GRB2: variants seen among roughly 807,000 people sequenced by gnomAD.
GRB2 encodes the protein growth factor receptor bound protein 2.
Under a neutral mutation model 27.4 loss-of-function variants are expected in GRB2, and 2 were observed. The observed-to-expected ratio is 0.07, with a 90% confidence interval of 0.03 to 0.23. GRB2 has a LOEUF of 0.23. GRB2 is among the 10% of genes least tolerant of loss of function. The pLI is 1.00. For missense variants in GRB2, 102 were observed against 282.4 expected, an observed-to-expected ratio of 0.36 and a Z score of 4.58; for synonymous variants, 94 against 99.6, an observed-to-expected ratio of 0.94 and a Z score of 0.33.
At chr17:75,333,225 G>A (rs2078553319) in intron 2 of GRB2, among the ~76,000 whole-genome samples, 1 of 152,280 alleles carries the variant, frequency 6.6e-6, no homozygotes, top group African/African-American at 2.4e-5. Flanking sequence ...ACAGGCGCAT[G>A]CCACGTTGCC....
intron 1 of GRB2, among the ~76,000 whole-genome samples, chr17:75,395,216 G>T (rs1453535430): frequency 6.6e-6 from 1 of 151,964 alleles, no homozygotes; most frequent in African/African-American, 2.4e-5. Context: ...TTATCAAAAA[G>T]AAAATAAATC....
At chr17:75,381,295 G>T (rs2078925995) in intron 2 of GRB2, among the ~76,000 whole-genome samples, 1 of 151,910 alleles carries the variant, frequency 6.6e-6, no homozygotes, top group African/African-American at 2.4e-5. Flanking sequence ...TGGAATAGAG[G>T]GACTTATTGA....
At position 75,338,686 on chromosome 17, in the gene GRB2, TG is replaced by T. The variant is rs554990959; in HGVS notation, c.79-5890del. 181 of 371,720 alleles carry T rather than the reference TG, an allele frequency of 4.9e-4. 1 individual carries two copies. In the East Asian group the frequency reaches 5.4e-3, roughly 11 times the overall value. 23.0% of individuals were successfully genotyped at this position (371,720 alleles called of 1,614,324 possible). A position where few individuals can be genotyped will look rare whatever the true frequency, so the allele number is the denominator to read the frequency against. On this transcript the variant is annotated intron_variant, in intron 2 of 5. Coordinates refer to ENST00000316804, the MANE Select transcript of GRB2 (RefSeq NM_002086.5). ...AGTGAAGACAGTTCTTTTTGTTTTT[TG>T]GTTTTTTTTTGCAAAGAGACTGAAA... is the stretch of plus-strand genomic sequence containing the variant.
intron 4 of GRB2, among the ~76,000 whole-genome samples, chr17:75,324,352 G>A (rs12938183): frequency 6.9e-6 from 1 of 145,490 alleles, no homozygotes; most frequent in African/African-American, 2.6e-5. Flanking sequence ...CCACCACGCC[G>A]AGGCCATTTT....
At chr17:75,350,303 C>T (rs561625572) in intron 2 of GRB2, among the ~76,000 whole-genome samples, 1 of 150,424 alleles carries the variant, frequency 6.6e-6, no homozygotes, top group South Asian at 2.1e-4. Context: ...AGGAGCTATG[C>T]TAGGTCCTGG....
intron 1 of GRB2, among the ~76,000 whole-genome samples, chr17:75,400,350 T>G (rs1017412077): frequency 6.6e-6 from 1 of 152,112 alleles, no homozygotes; most frequent in South Asian, 2.1e-4. Context: ...ATTTTTGTAC[T>G]GTTAGTAGAG....
At position 75,321,577 on chromosome 17, in the gene GRB2, C is replaced by A. The variant is rs189475856; in HGVS notation, c.468+82G>T. 3 of 1,306,768 alleles carry A rather than the reference C, an allele frequency of 2.3e-6. 1 individual carries two copies. Among genetic ancestry groups the A allele is most frequent in the Admixed American group, 3.6e-5 (2 of 55,102 alleles). The allele number at this position is 1,306,768 out of a possible 1,614,324, so 80.9% of individuals were successfully genotyped here. A position where few individuals can be genotyped will look rare whatever the true frequency, so the allele number is the denominator to read the frequency against. On this transcript the variant is annotated intron_variant, in intron 5 of 5. Coordinates refer to ENST00000316804, the MANE Select transcript of GRB2 (RefSeq NM_002086.5). ...TGAAGGGCGCCCGCATGTTGAGGGG[C>A]GCCTCCCCTTTCCTACAGGAATGCA...
chr17:75,339,660 C>T lies in GRB2; in HGVS notation c.79-6863G>A, dbSNP rs1280596835. On this transcript the variant is annotated intron_variant, in intron 2 of 5. Transcript: ENST00000316804. ...TTTTGAGACAGCTTCAGTTTTCACT[C>T]TTGTTACCCAGGCTGGAGTGCAATG... Among the ~76,000 whole-genome samples the T allele has an allele frequency of 2.2e-5, 3 of 137,198 alleles. No homozygotes were observed. In the Admixed American group the frequency reaches 2.2e-4, roughly 10 times the overall value. 90.0% of individuals were successfully genotyped at this position (137,198 alleles called of 152,430 possible).
At chr17:75,378,283 G>C (rs1452185950) in intron 2 of GRB2, among the ~76,000 whole-genome samples, 1 of 152,072 alleles carries the variant, frequency 6.6e-6, no homozygotes, top group Non-Finnish European at 1.5e-5. Context: ...CTAGCTACTT[G>C]GGAGGCTGAG....
intron 2 of GRB2, among the ~76,000 whole-genome samples, chr17:75,366,111 G>C (rs185178373): frequency 2.3e-4 from 35 of 152,114 alleles, no homozygotes; most frequent in Admixed American, 2.2e-3. Context: ...TTTATTTATA[G>C]TGCATTCATA....
intron 2 of GRB2, among the ~76,000 whole-genome samples, chr17:75,381,009 T>C (rs1479344363): frequency 6.6e-6 from 1 of 152,208 alleles, no homozygotes; most frequent in Non-Finnish European, 1.5e-5. Flanking sequence ...TAGGTAACCA[T>C]TTGTTCAGCC....
intron 2 of GRB2, among the ~76,000 whole-genome samples, chr17:75,338,669 C>G (rs556407631): frequency 7.8e-6 from 1 of 128,524 alleles, no homozygotes; most frequent in South Asian, 2.7e-4. Flanking sequence ...TCAGTGAAGA[C>G]AGTTCTTTTT....
intron 3 of GRB2, among the ~76,000 whole-genome samples, chr17:75,330,934 G>GA (rs1157163293): frequency 2.0e-5 from 3 of 152,066 alleles, no homozygotes; most frequent in African/African-American, 7.3e-5. Context: ...TTGTTAACTT[G>GA]AATGCTGCAT....
At chr17:75,331,047 T>A (rs187879295) in intron 3 of GRB2, among the ~76,000 whole-genome samples, 1 of 151,578 alleles carries the variant, frequency 6.6e-6, no homozygotes, top group Non-Finnish European at 1.5e-5. Context: ...CAGGAGGTGG[T>A]AGGATGTGGA....
chr17:75,331,001 C>T (rs61764608), intron 3 of GRB2, among the ~76,000 whole-genome samples: 146 of 152,080 alleles, frequency 9.6e-4, no homozygotes, highest in South Asian at 3.3e-3. Flanking sequence ...CCCTGCTCCC[C>T]ACCCCCACAA....
chr17:75,354,921 C>T (rs2078721466), intron 2 of GRB2, among the ~76,000 whole-genome samples: 1 of 152,166 alleles, frequency 6.6e-6, no homozygotes, highest in African/African-American at 2.4e-5. Flanking sequence ...CTCAGCACTT[C>T]GGGAGTCTCC....
intron 2 of GRB2, among the ~76,000 whole-genome samples, chr17:75,342,962 T>C (rs1170240070): frequency 6.8e-6 from 1 of 146,528 alleles, no homozygotes; most frequent in Non-Finnish European, 1.5e-5. Context: ...GGTGGGAGGA[T>C]TGCTTGAGCC....
At chr17:75,383,029 A>C (rs1290086860) in intron 2 of GRB2, among the ~76,000 whole-genome samples, 1 of 151,394 alleles carries the variant, frequency 6.6e-6, no homozygotes, top group Non-Finnish European at 1.5e-5. Context: ...AGATTTTTAA[A>C]AGTTGTTTGG....
At chr17:75,345,771 A>C (rs1598228571) in intron 2 of GRB2, among the ~76,000 whole-genome samples, 1 of 151,860 alleles carries the variant, frequency 6.6e-6, no homozygotes, top group African/African-American at 2.4e-5. Flanking sequence ...ACAAACTGCA[A>C]ATGTGGATTC....
Sources: allele counts gnomAD v4.1 joint callset (sites outside exome capture counted in the v4.1 genomes callset), GRCh38; gene constraint gnomAD v4.1.1; transcripts MANE v1.5; gene names NCBI Gene and HGNC (gene_info 2026-07-23, HGNC 2026-07-21).